AUTS2: variants seen among roughly 807,000 people sequenced by gnomAD.
The protein encoded by AUTS2 is activator of transcription and developmental regulator AUTS2.
Under a neutral mutation model 112.4 loss-of-function variants are expected in AUTS2, and 17 were observed. That is an observed-to-expected ratio of 0.15 (90% CI 0.10 to 0.23). AUTS2 has a LOEUF of 0.23. Ranked by LOEUF, AUTS2 falls within the 10% of genes least tolerant of loss-of-function variation. AUTS2 has a pLI of 1.00. For missense variants in AUTS2, 1,510 were observed against 1,701.6 expected (o/e 0.89, Z 1.98); for synonymous variants, 751 against 702.7 (o/e 1.07, Z -1.09).
intron 2 of AUTS2, among the ~76,000 whole-genome samples, chr7:70,068,296 G>T (rs1304305506): frequency 6.6e-6 from 1 of 151,020 alleles, no homozygotes; most frequent in Non-Finnish European, 1.5e-5. Flanking sequence ...TCCTGCCTCA[G>T]CCTCCTGAGT....
intron 2 of AUTS2, among the ~76,000 whole-genome samples, chr7:69,912,942 TA>T (rs1250842776): frequency 6.6e-6 from 1 of 152,212 alleles, no homozygotes; most frequent in African/African-American, 2.4e-5. Context: ...TACTCTGGTT[TA>T]AAAAATTTCA....
rs573527003 is a variant in AUTS2 at position 69,756,830 on chromosome 7, C to T, written c.310-142456C>T. On this transcript the variant is annotated intron_variant, in intron 1 of 18. Transcript: ENST00000342771. ...CATTTACCTGTTTGTAGCGTTGGTG[C>T]GTGGAACATTGGGGCATATAAATGT... Among the ~76,000 whole-genome samples the T allele has an allele frequency of 2.0e-5, 3 of 152,118 alleles. No individual in the cohort carries two copies. In the South Asian group the frequency reaches 6.2e-4, roughly 32 times the overall value.
intron 4 of AUTS2, among the ~76,000 whole-genome samples, chr7:70,402,671 C>T (rs1042713727): frequency 1.3e-5 from 2 of 152,132 alleles, no homozygotes; most frequent in African/African-American, 4.8e-5. Context: ...GGTTAGATTC[C>T]AGTCTGTTGC....
chr7:69,934,730 A>G (rs542585182), intron 2 of AUTS2, among the ~76,000 whole-genome samples: 2 of 152,300 alleles, frequency 1.3e-5, no homozygotes, highest in African/African-American at 2.4e-5. Context: ...CTGGTGCATC[A>G]TGTTACAGCT....
At chr7:70,308,680 G>A (rs1049284179) in intron 4 of AUTS2, among the ~76,000 whole-genome samples, 7 of 152,166 alleles carry the variant, frequency 4.6e-5, no homozygotes, top group Admixed American at 4.6e-4. Context: ...GTGCTCCATA[G>A]GTATTACCTA....
intron 4 of AUTS2, among the ~76,000 whole-genome samples, chr7:70,299,358 C>T (rs1244743310): frequency 2.0e-5 from 3 of 152,150 alleles, no homozygotes; most frequent in Non-Finnish European, 4.4e-5. Context: ...CCTCCTTAGA[C>T]CCTGAGTTCG....
At chr7:70,096,538 G>A (rs1047923823) in intron 2 of AUTS2, among the ~76,000 whole-genome samples, 6 of 149,770 alleles carry the variant, frequency 4.0e-5, no homozygotes, top group African/African-American at 1.5e-4. Flanking sequence ...AGTGGAGTTT[G>A]TGGTGAGCCG....
intron 1 of AUTS2, among the ~76,000 whole-genome samples, chr7:69,809,333 C>T (rs192315728): frequency 8.7e-4 from 133 of 152,248 alleles, no homozygotes; most frequent in African/African-American, 3.0e-3. Context: ...CCGCCTTGGC[C>T]TCCCAAAGTG....
chr7:70,669,109 G>A (rs1484198848), intron 5 of AUTS2, among the ~76,000 whole-genome samples: 3 of 152,274 alleles, frequency 2.0e-5, no homozygotes, highest in South Asian at 4.1e-4. Flanking sequence ...TGAAAATGCC[G>A]CTGTCTCACT....
intron 4 of AUTS2, among the ~76,000 whole-genome samples, chr7:70,332,172 A>G (rs1327730932): frequency 6.6e-6 from 1 of 152,190 alleles, no homozygotes; most frequent in Non-Finnish European, 1.5e-5. Flanking sequence ...CCAATAATAG[A>G]CAAACAGAGA....
chr7:69,807,496 A>G (rs753894056), intron 1 of AUTS2, among the ~76,000 whole-genome samples: 12 of 152,092 alleles, frequency 7.9e-5, no homozygotes, highest in Non-Finnish European at 1.5e-4. Context: ...CAGACTCTTC[A>G]TCAGATTTGG....
At chr7:69,864,417 C>T (rs1400148248) in intron 1 of AUTS2, among the ~76,000 whole-genome samples, 1 of 152,156 alleles carries the variant, frequency 6.6e-6, no homozygotes, top group Non-Finnish European at 1.5e-5. Flanking sequence ...CTTAATTTGT[C>T]ATCTGAAAGC....
intron 5 of AUTS2, among the ~76,000 whole-genome samples, chr7:70,510,777 G>A (rs1010990143): frequency 6.6e-6 from 1 of 151,866 alleles, no homozygotes; most frequent in African/African-American, 2.4e-5. Context: ...CAGGTAATAG[G>A]TTTATTGTTA....
At chr7:69,780,483 A>T (rs1294712585) in intron 1 of AUTS2, among the ~76,000 whole-genome samples, 1 of 152,198 alleles carries the variant, frequency 6.6e-6, no homozygotes, top group Non-Finnish European at 1.5e-5. Context: ...CCTGGGAAGG[A>T]TGATGTAACT....
chr7:70,005,229 A>G (rs1799493062), intron 2 of AUTS2, among the ~76,000 whole-genome samples: 2 of 151,954 alleles, frequency 1.3e-5, no homozygotes, highest in South Asian at 4.2e-4. Context: ...CGTTGATTGA[A>G]CAGCTTCCAT....
At chr7:69,998,194 A>G (rs1461565318) in intron 2 of AUTS2, among the ~76,000 whole-genome samples, 1 of 152,018 alleles carries the variant, frequency 6.6e-6, no homozygotes, top group Non-Finnish European at 1.5e-5. Context: ...TGTGGGGCAA[A>G]TCTACCTCAA....
At chr7:70,552,594 T>C (rs1801059322) in intron 5 of AUTS2, among the ~76,000 whole-genome samples, 1 of 152,232 alleles carries the variant, frequency 6.6e-6, no homozygotes, top group Non-Finnish European at 1.5e-5. Flanking sequence ...AGAGAGGCCT[T>C]TGAAAATTTT....
chr7:70,004,545 T>G (rs1029995629), intron 2 of AUTS2, among the ~76,000 whole-genome samples: 2 of 150,372 alleles, frequency 1.3e-5, no homozygotes, highest in African/African-American at 4.9e-5. Flanking sequence ...GGTTAAGGGA[T>G]GCAAAATTGA....
chr7:70,399,399 T>C (rs1267621557), intron 4 of AUTS2, among the ~76,000 whole-genome samples: 1 of 152,154 alleles, frequency 6.6e-6, no homozygotes, highest in African/African-American at 2.4e-5. Flanking sequence ...TTTTTTTGCT[T>C]ATGGGTTTGC....
Sources: gnomAD v4.1 joint callset for allele counts (sites outside exome capture counted in the v4.1 genomes callset) on GRCh38, gnomAD v4.1.1 for gene constraint, MANE v1.5 for transcripts, NCBI Gene and HGNC (gene_info 2026-07-23, HGNC 2026-07-21) for gene names.